The following PRIM2 variants were observed in gnomAD, a reference collection of about 807,000 sequenced individuals.
The protein encoded by PRIM2 is DNA primase large subunit.
A neutral mutation model predicts 67.3 loss-of-function variants in PRIM2; 39 were observed. That is an observed-to-expected ratio of 0.58 (90% CI 0.45 to 0.76). The LOEUF (loss-of-function observed/expected upper bound fraction) is 0.76. Ranked by LOEUF, PRIM2 falls within the 30% of genes least tolerant of loss-of-function variation. The probability of loss-of-function intolerance (pLI) is 0.00; values close to 1 mark genes in which losing one functional copy is unlikely to be tolerated. For missense variants in PRIM2, 398 were observed against 598.7 expected, an observed-to-expected ratio of 0.66 and a Z score of 3.50; for synonymous variants, 143 against 198.7, an observed-to-expected ratio of 0.72 and a Z score of 2.36.
Position 57,646,172 on chromosome 6 carries a change from C to G in PRIM2, c.*14C>G, listed in dbSNP as rs1205832163. ...GAAGATTCTTAGGCAGTTTTATAAC[C>G]CTTTTTCCTCAATAGCCTGTTTCCT... On this transcript the variant is annotated 3_prime_UTR_variant, in exon 14 of 14. Transcript: ENST00000615550. The G allele has an allele frequency of 1.1e-5, 17 of 1,545,224 alleles. No individual in the cohort carries two copies. The East Asian group carries it at 3.6e-4, about 33-fold the overall frequency.
intron 7 of PRIM2, among the ~76,000 whole-genome samples, chr6:57,406,888 A>C (rs1770910227): frequency 6.6e-6 from 1 of 151,844 alleles, no homozygotes; most frequent in South Asian, 2.1e-4. Context: ...TGGCACTATG[A>C]TTTTGTTCAT....
At chr6:57,395,828 T>A (rs1327685026) in intron 7 of PRIM2, among the ~76,000 whole-genome samples, 2 of 152,172 alleles carry the variant, frequency 1.3e-5, no homozygotes, top group African/African-American at 4.8e-5. Context: ...TAGCACTGCC[T>A]TTGCTGTATC....
At chr6:57,363,367 A>C (rs1769257774) in intron 5 of PRIM2, among the ~76,000 whole-genome samples, 1 of 152,248 alleles carries the variant, frequency 6.6e-6, no homozygotes, top group Non-Finnish European at 1.5e-5. Context: ...ACAAGAAAAC[A>C]TTAAATGTTC....
At chr6:57,366,791 C>T (rs936102328) in intron 5 of PRIM2, among the ~76,000 whole-genome samples, 22 of 152,122 alleles carry the variant, frequency 1.4e-4, no homozygotes, top group African/African-American at 4.1e-4. Flanking sequence ...GGCATTGAAA[C>T]GTGGAGAGCA....
At chr6:57,236,693 G>A in the PRIM2 span, among the ~76,000 whole-genome samples, 1 of 151,976 alleles carries the variant, frequency 6.6e-6, no homozygotes, top group Non-Finnish European at 1.5e-5. Context: ...GTGATAGTTT[G>A]CTGAGAATGA....
At chr6:57,287,447 A>C in the PRIM2 span, among the ~76,000 whole-genome samples, 3 of 152,214 alleles carry the variant, frequency 2.0e-5, no homozygotes, top group Non-Finnish European at 4.4e-5. Context: ...GAATGAGTTC[A>C]TGTCCTTTGC....
chr6:57,295,834 T>C, the PRIM2 span, among the ~76,000 whole-genome samples: 1 of 152,246 alleles, frequency 6.6e-6, no homozygotes, highest in Non-Finnish European at 1.5e-5. Flanking sequence ...AACATATATC[T>C]AAGAGCAAAA....
Position 57,403,249 on chromosome 6 carries a change from ATTTTTTTTTTT to A in PRIM2, c.693+21095_693+21105del, listed in dbSNP as rs71299587. Among the ~76,000 whole-genome samples, 475 of 110,168 alleles carry A rather than the reference ATTTTTTTTTTT, an allele frequency of 4.3e-3. 1 individual carries two copies. The highest frequency in any genetic ancestry group is 5.9e-3 in the Non-Finnish European group (320 of 53,980). 72.3% of individuals were successfully genotyped at this position (110,168 alleles called of 152,430 possible). A position where few individuals can be genotyped will look rare whatever the true frequency, so the allele number is the denominator to read the frequency against. On this transcript the variant is annotated intron_variant, in intron 7 of 13. Transcript: ENST00000615550. ...TTTGAAGGGATAGTTCAGGTGAAGA[ATTTTTTTTTTT>A]TTTTTTTTTTTTTGGAGATCCAGTC... is the stretch of plus-strand genomic sequence containing the variant.
At chr6:57,573,102 G>A (rs1775892580) in intron 10 of PRIM2, among the ~76,000 whole-genome samples, 1 of 152,194 alleles carries the variant, frequency 6.6e-6, no homozygotes, top group African/African-American at 2.4e-5. Context: ...GGGATTATAT[G>A]CTTGAGCCAC....
At chr6:57,575,748 T>C (rs1775952505) in intron 10 of PRIM2, among the ~76,000 whole-genome samples, 1 of 152,158 alleles carries the variant, frequency 6.6e-6, no homozygotes, top group South Asian at 2.1e-4. Context: ...AACTTTGATA[T>C]GCTTTAAAGT....
chr6:57,643,564 G>T (rs1777284441), intron 13 of PRIM2, among the ~76,000 whole-genome samples: 1 of 152,148 alleles, frequency 6.6e-6, no homozygotes, highest in Non-Finnish European at 1.5e-5. Flanking sequence ...AAACTGTAAA[G>T]CCTTCTGATT....
chr6:57,305,330 A>G, the PRIM2 span, among the ~76,000 whole-genome samples: 1 of 152,224 alleles, frequency 6.6e-6, no homozygotes, highest in African/African-American at 2.4e-5. Flanking sequence ...GGAATTAGGG[A>G]TAAGTACAGA....
At chr6:57,622,215 T>C (rs1776870098) in intron 12 of PRIM2, among the ~76,000 whole-genome samples, 1 of 152,230 alleles carries the variant, frequency 6.6e-6, no homozygotes, top group South Asian at 2.1e-4. Flanking sequence ...TTACATTGAT[T>C]ACATTTTGAA....
intron 10 of PRIM2, among the ~76,000 whole-genome samples, chr6:57,576,987 A>G (rs1490475082): frequency 6.6e-6 from 1 of 151,988 alleles, no homozygotes; most frequent in African/African-American, 2.4e-5. Context: ...GCTGGATGTC[A>G]TAGTAAATAC....
intron 7 of PRIM2, among the ~76,000 whole-genome samples, chr6:57,424,601 T>C (rs1771561213): frequency 6.6e-6 from 1 of 152,218 alleles, no homozygotes; most frequent in African/African-American, 2.4e-5. Flanking sequence ...GAAACTCTTA[T>C]ATTAAGGAGA....
chr6:57,302,716 C>T, the PRIM2 span, among the ~76,000 whole-genome samples: 1 of 152,126 alleles, frequency 6.6e-6, no homozygotes, highest in South Asian at 2.1e-4. Flanking sequence ...CTCGAAAGGC[C>T]TAGTACTTCT....
chr6:57,485,471 G>T (rs1376839044), intron 7 of PRIM2, among the ~76,000 whole-genome samples: 4 of 152,030 alleles, frequency 2.6e-5, no homozygotes, highest in Non-Finnish European at 4.4e-5. Flanking sequence ...TGTGAATTAG[G>T]TTGGAGTTAG....
chr6:57,403,288 G>A (rs1328643848), intron 7 of PRIM2, among the ~76,000 whole-genome samples: 4 of 136,054 alleles, frequency 2.9e-5, no homozygotes, highest in East Asian at 4.2e-4. Context: ...ATCCAGTCTC[G>A]CTCTGTTGCC....
the PRIM2 span, among the ~76,000 whole-genome samples, chr6:57,296,351 G>C: frequency 6.6e-6 from 1 of 152,050 alleles, no homozygotes; most frequent in Non-Finnish European, 1.5e-5. Flanking sequence ...TTATAGGATT[G>C]AGCAAACTAA....
Sources: gnomAD v4.1 joint callset for allele counts (sites outside exome capture counted in the v4.1 genomes callset) on GRCh38, gnomAD v4.1.1 for gene constraint, MANE v1.5 for transcripts, NCBI Gene and HGNC (gene_info 2026-07-23, HGNC 2026-07-21) for gene names.